Variants in CATSPERT observed in about 807,000 individuals in gnomAD.
CATSPERT encodes the protein catsper channel auxiliary subunit tau.
the CATSPERT span, among the ~76,000 whole-genome samples, chr2:201,579,666 T>C: frequency 1.3e-5 from 2 of 152,044 alleles, no homozygotes; most frequent in African/African-American, 4.8e-5. Context: ...GTTCCTTCCA[T>C]CTTTGGTGCG....
At chr2:201,492,010 G>A in the CATSPERT span, 31 of 1,536,566 alleles carry the variant, frequency 2.0e-5, no homozygotes, top group South Asian at 2.0e-4. Flanking sequence ...TAAACTTGGT[G>A]TTTTAGCTTC....
chr2:201,504,694 T>TA, the CATSPERT span, among the ~76,000 whole-genome samples: 1 of 152,272 alleles, frequency 6.6e-6, no homozygotes, highest in East Asian at 1.9e-4. Flanking sequence ...GATCTATAAG[T>TA]AAAAAATCTT....
the CATSPERT span, chr2:201,565,680 A>G: frequency 2.2e-5 from 33 of 1,489,208 alleles, no homozygotes; most frequent in Non-Finnish European, 2.9e-5. Flanking sequence ...ATAACACCTA[A>G]GATGAAAATT....
At chr2:201,598,786 A>T in the CATSPERT span, among the ~76,000 whole-genome samples, 2 of 151,942 alleles carry the variant, frequency 1.3e-5, no homozygotes, top group African/African-American at 2.4e-5. Context: ...TCACCATGTT[A>T]ATCAGGCTGG....
the CATSPERT span, chr2:201,571,970 T>C: frequency 1.2e-6 from 2 of 1,613,486 alleles, no homozygotes; most frequent in South Asian, 1.1e-5. Context: ...CTGGAGGTGG[T>C]GCAAGATTCA....
At chr2:201,520,194 G>A in the CATSPERT span, among the ~76,000 whole-genome samples, 1 of 152,160 alleles carries the variant, frequency 6.6e-6, no homozygotes, top group Non-Finnish European at 1.5e-5. Flanking sequence ...GATCTAAAGA[G>A]AGGGATAGGC....
At chr2:201,596,554 T>G in the CATSPERT span, among the ~76,000 whole-genome samples, 3 of 152,226 alleles carry the variant, frequency 2.0e-5, no homozygotes, top group African/African-American at 7.2e-5. Context: ...AGCCTGCACA[T>G]GTACCCCAGA....
At chr2:201,594,451 T>G in the CATSPERT span, among the ~76,000 whole-genome samples, 1 of 152,216 alleles carries the variant, frequency 6.6e-6, no homozygotes, top group Non-Finnish European at 1.5e-5. Flanking sequence ...CTGACCATTA[T>G]GTGTCTTGGA....
chr2:201,538,058 C>G, the CATSPERT span, among the ~76,000 whole-genome samples: 13 of 152,072 alleles, frequency 8.5e-5, no homozygotes, highest in African/African-American at 3.1e-4. Flanking sequence ...GACCTATCCT[C>G]TTAAATTTTC....
chr2:201,560,972 A>G, the CATSPERT span, among the ~76,000 whole-genome samples: 8,346 of 151,800 alleles, frequency 0.055, 271 homozygotes, highest in African/African-American at 0.08. Context: ...TAGTAGAGAC[A>G]AGTTTTCACC....
At chr2:201,600,147 T>C in the CATSPERT span, among the ~76,000 whole-genome samples, 14 of 152,184 alleles carry the variant, frequency 9.2e-5, no homozygotes, top group Non-Finnish European at 1.9e-4. Flanking sequence ...GTATGTTTAT[T>C]GTGGCACTTT....
the CATSPERT span, among the ~76,000 whole-genome samples, chr2:201,588,623 A>C: frequency 6.6e-6 from 1 of 150,604 alleles, no homozygotes; most frequent in Non-Finnish European, 1.5e-5. Flanking sequence ...ACAAACCTCA[A>C]CTTTATTCAG....
chr2:201,586,432 C>A, the CATSPERT span, among the ~76,000 whole-genome samples: 3 of 151,958 alleles, frequency 2.0e-5, no homozygotes, highest in South Asian at 6.2e-4. Flanking sequence ...GATTTAAACT[C>A]AAATATATTA....
the CATSPERT span, chr2:201,557,854 A>G: frequency 6.6e-6 from 1 of 152,226 alleles, no homozygotes; most frequent in Admixed American, 6.5e-5. Flanking sequence ...GTACACATGC[A>G]TTCTTCAAAG....
chr2:201,571,836 T>C, the CATSPERT span: 2 of 976,356 alleles, frequency 2.0e-6, no homozygotes, highest in Admixed American at 2.1e-5. Flanking sequence ...GGCCATGTCC[T>C]GGGGACTTCT....
At chr2:201,515,335 A>G in the CATSPERT span, among the ~76,000 whole-genome samples, 1 of 145,640 alleles carries the variant, frequency 6.9e-6, no homozygotes, top group African/African-American at 2.5e-5. Flanking sequence ...CCCAGGTTCA[A>G]GCCATTCTCC....
the CATSPERT span, chr2:201,535,857 G>A: frequency 4.7e-6 from 7 of 1,493,054 alleles, no homozygotes; most frequent in African/African-American, 4.2e-5. Context: ...CCTTCTTTTG[G>A]GTCTTGGCTT....
the CATSPERT span, chr2:201,547,646 A>G: frequency 1.8e-6 from 2 of 1,094,482 alleles, no homozygotes; most frequent in Non-Finnish European, 2.6e-6. Flanking sequence ...GAAAAAAGCA[A>G]GTGATAGAAG....
At chr2:201,587,598 T>C in the CATSPERT span, among the ~76,000 whole-genome samples, 9 of 152,300 alleles carry the variant, frequency 5.9e-5, 1 homozygote, top group East Asian at 1.7e-3. Flanking sequence ...CTCCTCTGGC[T>C]GCCTTTAAGA....
Sources: gnomAD v4.1 joint callset for allele counts (sites outside exome capture counted in the v4.1 genomes callset) on GRCh38, gnomAD v4.1.1 for gene constraint, MANE v1.5 for transcripts, NCBI Gene and HGNC (gene_info 2026-07-23, HGNC 2026-07-21) for gene names.